The following MECOM variants were observed in gnomAD, a reference collection of about 807,000 sequenced individuals.
MECOM encodes histone-lysine N-methyltransferase MECOM.
Under a neutral mutation model 116.3 loss-of-function variants are expected in MECOM, and 13 were observed. The observed-to-expected ratio is 0.11, with a 90% CI of 0.07 to 0.18. The LOEUF is 0.18. Ranked by LOEUF, MECOM falls within the 10% of genes least tolerant of loss-of-function variation. The probability of loss-of-function intolerance (pLI) is 1.00; values close to 1 mark genes in which losing one functional copy is unlikely to be tolerated. For missense variants in MECOM, 1,299 were observed against 1,509.0 expected (o/e 0.86, Z 2.31); for synonymous variants, 528 against 535.2 (o/e 0.99, Z 0.19).
chr3:169,143,693 C>A lies in MECOM; in HGVS notation c.510+5G>T. On this transcript the variant is annotated splice_donor_5th_base_variant and intron_variant, in intron 3 of 16. Coordinates refer to ENST00000651503, the MANE Select transcript of MECOM (RefSeq NM_004991.4). The stretch of plus-strand genomic sequence containing the variant: ...AGGAAAGACAAGAAAATCTTTACAA[C>A]ATACCTGATCATTTATCTGGCATGC... 1 of 1,589,354 alleles carries A rather than the reference C, an allele frequency of 6.3e-7. No homozygotes were observed. The highest frequency in any genetic ancestry group is 8.6e-7 in the Non-Finnish European group (1 of 1,167,598).
intron 1 of MECOM, among the ~76,000 whole-genome samples, chr3:169,552,695 G>T (rs73879083): frequency 6.6e-6 from 1 of 152,182 alleles, no homozygotes; most frequent in African/African-American, 2.4e-5. Flanking sequence ...AAAAGGGTTA[G>T]TGTTGTAGAA....
chr3:169,149,328 T>A (rs1740749249), intron 2 of MECOM, among the ~76,000 whole-genome samples: 1 of 152,086 alleles, frequency 6.6e-6, no homozygotes, highest in Non-Finnish European at 1.5e-5. Context: ...GAAACGTCGG[T>A]AGGAAAACAA....
intron 2 of MECOM, among the ~76,000 whole-genome samples, chr3:169,272,784 C>G (rs1356438189): frequency 6.6e-6 from 1 of 152,152 alleles, no homozygotes; most frequent in Non-Finnish European, 1.5e-5. Flanking sequence ...AAAAACTTCT[C>G]TTTGTCTGGC....
At chr3:169,465,181 T>A (rs534044831) in intron 1 of MECOM, among the ~76,000 whole-genome samples, 1 of 152,316 alleles carries the variant, frequency 6.6e-6, no homozygotes, top group East Asian at 1.9e-4. Flanking sequence ...GACAGCCTTG[T>A]TTAAAGGTTA....
chr3:169,374,250 A>G (rs76273615), intron 2 of MECOM, among the ~76,000 whole-genome samples: 17,158 of 151,710 alleles, frequency 0.11, 1,152 homozygotes, highest in East Asian at 0.22. Flanking sequence ...CATGGAGGAG[A>G]GCGCTCACCA....
intron 2 of MECOM, among the ~76,000 whole-genome samples, chr3:169,342,778 C>T (rs535702360): frequency 3.9e-5 from 6 of 152,008 alleles, no homozygotes; most frequent in Non-Finnish European, 7.4e-5. Context: ...CTCGAGTAAA[C>T]GGAAAATCTC....
intron 1 of MECOM, among the ~76,000 whole-genome samples, chr3:169,465,442 T>C (rs1044048410): frequency 3.9e-5 from 6 of 152,230 alleles, no homozygotes; most frequent in African/African-American, 7.2e-5. Flanking sequence ...GTATTCATTA[T>C]ATAAATAAAA....
In MECOM at chr3:169,472,518, G is replaced by GAAAGGAAAGAAAAGA. The variant is rs1553863131; in HGVS notation, c.38-90995_38-90994insTCTTTTCTTTCCTTT. On this transcript the variant is annotated intron_variant, in intron 1 of 16. Coordinates refer to ENST00000651503, the MANE Select transcript of MECOM (RefSeq NM_004991.4). ...GAAAGGAAAGGAAAGGAAAGGAAAG[G>GAAAGGAAAGAAAAGA]AAAGAAAAGAAAAGAAAAGGAAAGG... Among the ~76,000 whole-genome samples, 109 of 70,094 alleles carry GAAAGGAAAGAAAAGA rather than the reference G, an allele frequency of 1.6e-3. 1 individual carries two copies. Among genetic ancestry groups the GAAAGGAAAGAAAAGA allele is most frequent in the South Asian group, 2.9e-3 (6 of 2,080 alleles). 46.0% of individuals were successfully genotyped at this position (70,094 alleles called of 152,430 possible).
intron 2 of MECOM, among the ~76,000 whole-genome samples, chr3:169,162,338 T>C (rs1742972526): frequency 6.6e-6 from 1 of 152,178 alleles, no homozygotes; most frequent in Non-Finnish European, 1.5e-5. Flanking sequence ...TTAAGTCCCA[T>C]GCAATCTATT....
At chr3:169,199,406 T>C (rs544359249) in intron 2 of MECOM, among the ~76,000 whole-genome samples, 2 of 152,166 alleles carry the variant, frequency 1.3e-5, no homozygotes, top group South Asian at 4.1e-4. Flanking sequence ...ACTTCTTTTC[T>C]TTTGTTTTCT....
chr3:169,512,700 C>T (rs1756127796), intron 1 of MECOM, among the ~76,000 whole-genome samples: 1 of 152,190 alleles, frequency 6.6e-6, no homozygotes, highest in Non-Finnish European at 1.5e-5. Context: ...AATGAATAAA[C>T]TTGGTGAAAT....
chr3:169,452,185 A>G (rs545047058), intron 1 of MECOM, among the ~76,000 whole-genome samples: 59 of 152,156 alleles, frequency 3.9e-4, no homozygotes, highest in Non-Finnish European at 6.6e-4. Flanking sequence ...CCGATGCCCA[A>G]CTACAGCTTG....
intron 1 of MECOM, among the ~76,000 whole-genome samples, chr3:169,561,703 C>T (rs1249714804): frequency 6.6e-6 from 1 of 152,160 alleles, no homozygotes; most frequent in African/African-American, 2.4e-5. Flanking sequence ...GTAAAACACA[C>T]ACCACACACA....
rs142645829 is a variant in MECOM, at chr3:169,120,889, C to G, written c.1132+167G>C. 182 of 581,000 alleles carry G rather than the reference C, an allele frequency of 3.1e-4. No individual in the cohort carries two copies. The African/African-American group carries it at 3.2e-3, about 10-fold the overall frequency. The allele number at this position is 581,000 out of a possible 1,614,324, so 36.0% of individuals were successfully genotyped here. ...GAATCAAGGACAAAATACCATGGATCTGATTATAAAAGATTTACTTGTAAT... is the reference window on the plus strand; with the variant it reads ...GAATCAAGGACAAAATACCATGGATGTGATTATAAAAGATTTACTTGTAAT... On this transcript the variant is annotated intron_variant, in intron 7 of 16. Transcript: ENST00000651503.
intron 2 of MECOM, among the ~76,000 whole-genome samples, chr3:169,324,897 C>T (rs1379715773): frequency 6.6e-6 from 1 of 152,148 alleles, no homozygotes; most frequent in African/African-American, 2.4e-5. Flanking sequence ...CCCTTCTCTG[C>T]CAACTCCCTC....
chr3:169,287,981 G>T (rs569036250), intron 2 of MECOM, among the ~76,000 whole-genome samples: 9 of 152,144 alleles, frequency 5.9e-5, no homozygotes, highest in Admixed American at 1.3e-4. Flanking sequence ...TAGAGTAATT[G>T]TTAACATCTG....
intron 1 of MECOM, among the ~76,000 whole-genome samples, chr3:169,400,076 T>C (rs929135300): frequency 1.2e-4 from 18 of 152,344 alleles, no homozygotes; most frequent in Admixed American, 1.2e-3. Flanking sequence ...AATTTGACGT[T>C]CATTTTAATG....
chr3:169,300,040 ATTGT>A (rs1326315442), intron 2 of MECOM, among the ~76,000 whole-genome samples: 2 of 152,134 alleles, frequency 1.3e-5, no homozygotes, highest in African/African-American at 2.4e-5. Context: ...TAAGGGACTC[ATTGT>A]TTGTGCTGTG....
intron 1 of MECOM, among the ~76,000 whole-genome samples, chr3:169,481,852 C>T (rs1751339677): frequency 1.3e-5 from 2 of 152,176 alleles, no homozygotes; most frequent in Admixed American, 6.5e-5. Context: ...TTCTTAATTA[C>T]AAGTCATCAT....
Sources: allele counts gnomAD v4.1 joint callset (sites outside exome capture counted in the v4.1 genomes callset), GRCh38; gene constraint gnomAD v4.1.1; transcripts MANE v1.5; gene names NCBI Gene and HGNC (gene_info 2026-07-23, HGNC 2026-07-21).